Variants in MBOAT1 observed in about 807,000 individuals in gnomAD.
MBOAT1 encodes membrane-bound glycerophospholipid O-acyltransferase 1.
Under a neutral mutation model 64.4 loss-of-function variants are expected in MBOAT1, and 67 were observed. The ratio of observed to expected loss-of-function variants is 1.04; its 90% CI spans 0.85 to 1.27. The LOEUF (loss-of-function observed/expected upper bound fraction) is 1.27, where lower values mean the gene tolerates loss of function less well. Ranked by LOEUF, MBOAT1 falls within the 50% of genes most tolerant of loss-of-function variation. The probability of loss-of-function intolerance (pLI) is 0.00; values close to 1 mark genes in which losing one functional copy is unlikely to be tolerated. For missense variants in MBOAT1, 563 were observed against 604.6 expected (o/e 0.93, Z 0.72); for synonymous variants, 229 against 218.9 (o/e 1.05, Z -0.41).
intron 1 of MBOAT1, among the ~76,000 whole-genome samples, chr6:20,199,798 T>A (rs914302792): frequency 2.0e-5 from 3 of 152,048 alleles, no homozygotes; most frequent in Admixed American, 2.0e-4. Flanking sequence ...TGAAACCCTG[T>A]CTCTACTAAA....
At chr6:20,178,488 TCCCACAG>T (rs780099721) in intron 1 of MBOAT1, among the ~76,000 whole-genome samples, 1 of 152,176 alleles carries the variant, frequency 6.6e-6, no homozygotes, top group Non-Finnish European at 1.5e-5. Context: ...CTCTAAGCTG[TCCCACAG>T]AACACCACTT....
rs759484677 is a variant in MBOAT1 at position 20,124,539 on chromosome 6, G to A, written c.776C>T (p.Thr259Met). ...AAGGCAGGTGACAGGAAAGGTCTTC[G>A]TTAGCGTCAAAAACAAAAGGAGAGA... ...LVSLLLFLTL[T>M]KTFPVTCLVD... The change falls in exon 8 of 13, where the codon ACG becomes ATG. Residue 259 changes from threonine to methionine, a missense_variant. Physicochemically the swap from Thr to Met is moderately conservative, Grantham distance 81. Transcript: ENST00000324607. 3.6e-5 allele frequency: 58 copies of A among 1,614,062 alleles called. No individual in the cohort carries two copies. In the East Asian group the frequency reaches 6.5e-4, roughly 18 times the overall value.
At chr6:20,150,741 GT>G (rs202226295) in intron 3 of MBOAT1, among the ~76,000 whole-genome samples, 154 of 140,816 alleles carry the variant, frequency 1.1e-3, no homozygotes, top group Middle Eastern at 3.7e-3. Context: ...TTTTTTTTGG[GT>G]TTTTTTTTTT....
At chr6:20,117,461 C>A (rs1399613347) in intron 9 of MBOAT1, among the ~76,000 whole-genome samples, 3 of 152,188 alleles carry the variant, frequency 2.0e-5, no homozygotes, top group African/African-American at 7.2e-5. Flanking sequence ...ATATAATCCT[C>A]CCTATAAATT....
intron 1 of MBOAT1, 131 bp downstream of exon 1, chr6:20,212,005 A>ACACACAC (rs1278813049): frequency 5.3e-5 from 28 of 530,042 alleles, no homozygotes; most frequent in Admixed American, 2.0e-4. Context: ...CACACACACA[A>ACACACAC]AAACCAACTG....
chr6:20,153,072 G>C (rs1287439498), intron 1 of MBOAT1, among the ~76,000 whole-genome samples: 1 of 152,144 alleles, frequency 6.6e-6, no homozygotes, highest in African/African-American at 2.4e-5. Context: ...CTGACCTCCT[G>C]ATCCGCCTGC....
chr6:20,179,225 T>TC (rs1480135328), intron 1 of MBOAT1, among the ~76,000 whole-genome samples: 15 of 150,866 alleles, frequency 9.9e-5, no homozygotes, highest in Non-Finnish European at 1.6e-4. Context: ...CCCAAAACCC[T>TC]CAGCTGTAGG....
intron 5 of MBOAT1, among the ~76,000 whole-genome samples, chr6:20,130,510 C>A (rs908387059): frequency 6.6e-6 from 1 of 152,044 alleles, no homozygotes; most frequent in African/African-American, 2.4e-5. Context: ...TGTGCCACCA[C>A]GCCTAGCTAA....
chr6:20,141,371 T>A lies in MBOAT1; in HGVS notation c.419+2849A>T, dbSNP rs1581418174. ...TCTTTTTCTTTTTCTTTTTTTTTTT[T>A]TTTTTTTTGACACAGGGTCTTGCTC... On this transcript the variant is annotated intron_variant, in intron 4 of 12. Transcript: ENST00000324607. Among the ~76,000 whole-genome samples the A allele has an allele frequency of 2.1e-5, 3 of 146,104 alleles. No individual in the cohort carries two copies. In the South Asian group the frequency reaches 6.6e-4, roughly 32 times the overall value.
chr6:20,111,903 C>T (rs900768323), intron 11 of MBOAT1, among the ~76,000 whole-genome samples: 1 of 96,126 alleles, frequency 1.0e-5, no homozygotes, highest in African/African-American at 3.8e-5. Flanking sequence ...TTCCAGCACA[C>T]CTGTGTCTAA....
At chr6:20,170,591 T>G (rs1431698795) in intron 1 of MBOAT1, among the ~76,000 whole-genome samples, 1 of 152,164 alleles carries the variant, frequency 6.6e-6, no homozygotes, top group Non-Finnish European at 1.5e-5. Flanking sequence ...AGGGCACCAT[T>G]CATTTCACCC....
rs147295732 is a variant in MBOAT1 at position 20,107,484 on chromosome 6, G to A, written c.1361+2114C>T. Among the ~76,000 whole-genome samples, 401 of 152,248 alleles carry A rather than the reference G, an allele frequency of 2.6e-3. 3 individuals carry two copies. Among genetic ancestry groups the A allele is most frequent in the Non-Finnish European group, 4.2e-3 (289 of 68,032 alleles). ...AAGATGCCCCCAGTGCCTAGGCTGA[G>A]GCAGATTCCTGTTACATACTCTCTT... On this transcript the variant is annotated intron_variant, in intron 12 of 12. Coordinates refer to ENST00000324607, the MANE Select transcript of MBOAT1 (RefSeq NM_001080480.3).
At chr6:20,203,556 C>T (rs564453021) in intron 1 of MBOAT1, among the ~76,000 whole-genome samples, 1 of 152,320 alleles carries the variant, frequency 6.6e-6, no homozygotes, top group East Asian at 1.9e-4. Context: ...TTAAGTCATT[C>T]ATTCCAATCC....
At chr6:20,194,826 G>A (rs1762908213) in intron 1 of MBOAT1, among the ~76,000 whole-genome samples, 1 of 152,102 alleles carries the variant, frequency 6.6e-6, no homozygotes, top group Non-Finnish European at 1.5e-5. Context: ...AGGGAGATTT[G>A]TCTATTTTCT....
intron 4 of MBOAT1, among the ~76,000 whole-genome samples, chr6:20,139,425 T>A (rs1761101336): frequency 6.6e-6 from 1 of 151,708 alleles, no homozygotes; most frequent in Admixed American, 6.6e-5. Context: ...CATCTTATCT[T>A]AACTAATTGC....
intron 4 of MBOAT1, among the ~76,000 whole-genome samples, chr6:20,142,026 C>T (rs1761193983): frequency 1.3e-5 from 2 of 152,110 alleles, no homozygotes; most frequent in Non-Finnish European, 2.9e-5. Flanking sequence ...ATTTACCTAA[C>T]ATATTGGCCA....
At position 20,180,744 on chromosome 6, in the gene MBOAT1, G is replaced by A. The variant is rs1762484530; in HGVS notation, c.100-27975C>T. On this transcript the variant is annotated intron_variant, in intron 1 of 12. Coordinates refer to ENST00000324607, the MANE Select transcript of MBOAT1 (RefSeq NM_001080480.3). ...CACCATCTCTCTATTTTACCACTTA[G>A]CAAATACCAATTACTTGATACTTTT... is the stretch of plus-strand genomic sequence containing the variant. Among the ~76,000 whole-genome samples, 5 of 152,262 alleles carry A rather than the reference G, an allele frequency of 3.3e-5. No homozygotes were observed. In the South Asian group the frequency reaches 8.3e-4, roughly 25 times the overall value.
In MBOAT1 at chr6:20,168,497, G is replaced by GAGACAGAGACAGAGAC. The variant is rs1561773000; in HGVS notation, c.100-15729_100-15728insGTCTCTGTCTCTGTCT. ...ACAGAGACAGAGACAGAGACAGAGA[G>GAGACAGAGACAGAGAC]AGAGAGAGAGGAGAGGAGAGGAGAG... On this transcript the variant is annotated intron_variant, in intron 1 of 12. Transcript: ENST00000324607. Among the ~76,000 whole-genome samples the GAGACAGAGACAGAGAC allele has an allele frequency of 1.3e-4, 16 of 124,544 alleles. 1 individual carries two copies. Among genetic ancestry groups the GAGACAGAGACAGAGAC allele is most frequent in the African/African-American group, 4.9e-4 (13 of 26,718 alleles). 81.7% of individuals were successfully genotyped at this position (124,544 alleles called of 152,430 possible). A position where few individuals can be genotyped will look rare whatever the true frequency, so the allele number is the denominator to read the frequency against.
rs111474987 is a variant in MBOAT1 at position 20,153,866 on chromosome 6, A to G, written c.100-1097T>C. Among the ~76,000 whole-genome samples the G allele has an allele frequency of 1.5e-4, 23 of 152,370 alleles. 1 individual carries two copies. Among genetic ancestry groups the G allele is most frequent in the African/African-American group, 5.5e-4 (23 of 41,594 alleles). On this transcript the variant is annotated intron_variant, in intron 1 of 12. Coordinates refer to ENST00000324607, the MANE Select transcript of MBOAT1 (RefSeq NM_001080480.3). The stretch of plus-strand genomic sequence containing the variant: ...TGATTTTAAAAAACAATAAGCAAAC[A>G]TGTACCTTTGCAATTTATATTTACC...
Sources: allele counts gnomAD v4.1 joint callset (sites outside exome capture counted in the v4.1 genomes callset), GRCh38; gene constraint gnomAD v4.1.1; transcripts MANE v1.5; gene names NCBI Gene and HGNC (gene_info 2026-07-23, HGNC 2026-07-21).